YBEY: variants seen among roughly 807,000 people sequenced by gnomAD.
YBEY encodes endoribonuclease YbeY.
YBEY carries 15 observed loss-of-function variants against 13.5 expected under a neutral mutation model. That is an observed-to-expected ratio of 1.11 (90% confidence interval 0.75 to 1.72). YBEY has a LOEUF of 1.72. Among genes scored for constraint, YBEY ranks in the 40% most tolerant of loss-of-function variants. YBEY has a pLI of 0.00. For missense variants in YBEY, 244 were observed against 208.4 expected (o/e 1.17, Z -1.05); for synonymous variants, 101 against 83.1 (o/e 1.21, Z -1.17).
the YBEY span, among the ~76,000 whole-genome samples, chr21:46,310,482 C>CA: frequency 3.2e-5 from 4 of 126,744 alleles, no homozygotes; most frequent in African/African-American, 1.5e-4. Flanking sequence ...TGTCTCAGAA[C>CA]AAAAAAAATA....
intron 2 of YBEY, among the ~76,000 whole-genome samples, chr21:46,287,516 A>C (rs13046494): frequency 0.41 from 62,114 of 151,922 alleles, 13,271 homozygotes; most frequent in Admixed American, 0.48. Context: ...TTCATGTATT[A>C]ATTATATTAT....
At chr21:46,304,776 C>T in the YBEY span, among the ~76,000 whole-genome samples, 1 of 152,132 alleles carries the variant, frequency 6.6e-6, no homozygotes, top group Admixed American at 6.6e-5. Context: ...AAGGACTGTG[C>T]AGATGTAAGC....
Position 46,288,328 on chromosome 21 carries a change from A to T in YBEY, c.210+1205A>T, listed in dbSNP as rs539477101. On this transcript the variant is annotated intron_variant, in intron 2 of 4. Coordinates refer to ENST00000397701, the MANE Select transcript of YBEY (RefSeq NM_001314025.2). Reference sequence around the variant, plus strand: ...CAATCCTTTGGGAAAGCAACTTGGCATTTCAAACACATGTATCCTTTAGTC... The same window carrying T: ...CAATCCTTTGGGAAAGCAACTTGGCTTTTCAAACACATGTATCCTTTAGTC... Among the ~76,000 whole-genome samples the T allele has an allele frequency of 3.3e-5, 5 of 152,346 alleles. No individual in the cohort carries two copies. In the South Asian group the frequency reaches 1.0e-3, roughly 32 times the overall value.
In YBEY at chr21:46,297,411, G is replaced by C. The variant is rs112163820; in HGVS notation, c.409-128G>C. 0.014 allele frequency: 12,943 copies of C among 909,802 alleles called. 1,101 individuals carry two copies. The African/African-American group carries it at 0.19, about 13-fold the overall frequency. 56.4% of individuals were successfully genotyped at this position (909,802 alleles called of 1,614,324 possible). A position where few individuals can be genotyped will look rare whatever the true frequency, so the allele number is the denominator to read the frequency against. ...CGGAGCCGGGTCCCGCCTTCGGCCTGAGCTAGAGCCGCGCGGGCGGCCGGC... is the reference window on the plus strand; with the variant it reads ...CGGAGCCGGGTCCCGCCTTCGGCCTCAGCTAGAGCCGCGCGGGCGGCCGGC... On this transcript the variant is annotated intron_variant, in intron 4 of 4. Coordinates refer to ENST00000397701, the MANE Select transcript of YBEY (RefSeq NM_001314025.2).
Position 46,287,136 on chromosome 21 carries a change from TG to T in YBEY, c.210+14del. 10 of 1,552,538 alleles carry T rather than the reference TG, an allele frequency of 6.4e-6. No homozygotes were observed. Among genetic ancestry groups the T allele is most frequent in the Non-Finnish European group, 7.8e-6 (9 of 1,147,912 alleles). ...TCCATTTCATGAGGTAAAAAAAAAATGTTCCTCTTCTTGTCTAGCCCATCTT... is the reference window on the plus strand; with the variant it reads ...TCCATTTCATGAGGTAAAAAAAAAATTTCCTCTTCTTGTCTAGCCCATCTT... On this transcript the variant is annotated intron_variant, in intron 2 of 4. Transcript: ENST00000397701.
At chr21:46,297,323 G>T (rs1323665022) in intron 4 of YBEY, among the ~76,000 whole-genome samples, 1 of 113,800 alleles carries the variant, frequency 8.8e-6, no homozygotes, top group Non-Finnish European at 1.7e-5. Context: ...CCGAGGCCCC[G>T]CTTATTCTCC....
At chr21:46,312,902 T>C in the YBEY span, 1 of 697,186 alleles carries the variant, frequency 1.4e-6, no homozygotes, top group South Asian at 6.4e-5. Context: ...AGTACATATA[T>C]AGAACACGTC....
chr21:46,302,142 CAT>C (rs1256306354), downstream of YBEY: 1 of 1,497,760 alleles, frequency 6.7e-7, no homozygotes, highest in South Asian at 1.3e-5. Context: ...CTCGGGGGCA[CAT>C]GTGGCGGGTC....
At chr21:46,289,852 C>T (rs1165094647) in intron 2 of YBEY, among the ~76,000 whole-genome samples, 1 of 151,774 alleles carries the variant, frequency 6.6e-6, no homozygotes, top group Non-Finnish European at 1.5e-5. Context: ...CAAGGTTAGA[C>T]AGGCAGTTGC....
chr21:46,297,795 G>A, downstream of YBEY: 2 of 1,224,094 alleles, frequency 1.6e-6, no homozygotes, highest in South Asian at 4.2e-5. Context: ...AAACGGTTCC[G>A]AGCCGTGGCA....
intron 3 of YBEY, 77 bp downstream of exon 3, chr21:46,291,539 G>C: frequency 6.3e-7 from 1 of 1,583,336 alleles, no homozygotes; most frequent in Non-Finnish European, 8.6e-7. Flanking sequence ...TCACAACCCT[G>C]CATCCATGTG....
chr21:46,311,149 C>T, the YBEY span, among the ~76,000 whole-genome samples: 5 of 152,020 alleles, frequency 3.3e-5, no homozygotes, highest in East Asian at 1.9e-4. Context: ...GGATTACAAG[C>T]GTGAGCCACC....
intron 4 of YBEY, among the ~76,000 whole-genome samples, chr21:46,296,861 G>A (rs928620199): frequency 1.3e-5 from 2 of 152,072 alleles, no homozygotes; most frequent in Non-Finnish European, 2.9e-5. Flanking sequence ...GGGCCTGGTG[G>A]TGCATGCCTG....
In YBEY at chr21:46,297,581, C is replaced by G; in HGVS notation, c.451C>G (p.Arg151Gly). Residue 151 changes from arginine (R) to glycine (G), a missense_variant, in exon 5 of 5, where the codon CGC becomes GGC. Coordinates refer to ENST00000397701, the MANE Select transcript of YBEY (RefSeq NM_001314025.2). ...EKAVLDELGR[R>G]TGTRLQPLTR... is the part of the protein sequence containing the mutation. Reference sequence around the variant, plus strand: ...GGCGGTGCTGGACGAGCTGGGCCGACGCACGGGGACCCGGCTGCAGCCCCT... The same window carrying G: ...GGCGGTGCTGGACGAGCTGGGCCGAGGCACGGGGACCCGGCTGCAGCCCCT... 1 of 1,387,256 alleles carries G rather than the reference C, an allele frequency of 7.2e-7. No homozygotes were observed. The highest frequency in any genetic ancestry group is 9.5e-7 in the Non-Finnish European group (1 of 1,055,880). 85.9% of individuals were successfully genotyped at this position (1,387,256 alleles called of 1,614,324 possible).
chr21:46,290,601 G>C (rs547488101), intron 2 of YBEY, among the ~76,000 whole-genome samples: 28 of 152,232 alleles, frequency 1.8e-4, no homozygotes, highest in African/African-American at 6.5e-4. Context: ...TCTGGCCTGA[G>C]ACATGCATCT....
the YBEY span, among the ~76,000 whole-genome samples, chr21:46,312,472 C>T: frequency 7.9e-5 from 12 of 152,176 alleles, no homozygotes; most frequent in African/African-American, 2.4e-4. Flanking sequence ...GCGCCTGCCA[C>T]CACGCCCGGC....
At chr21:46,290,505 T>C (rs2081654328) in intron 2 of YBEY, among the ~76,000 whole-genome samples, 1 of 151,686 alleles carries the variant, frequency 6.6e-6, no homozygotes, top group Admixed American at 6.6e-5. Flanking sequence ...CGCCTGGCTA[T>C]TCTGACAATT....
At chr21:46,289,411 G>T (rs948200670) in intron 2 of YBEY, among the ~76,000 whole-genome samples, 18 of 151,068 alleles carry the variant, frequency 1.2e-4, no homozygotes, top group African/African-American at 4.1e-4. Flanking sequence ...GTGGATATTC[G>T]CATATTCAGG....
rs763022891 is a variant in YBEY, at chr21:46,287,120, T to C, written c.207T>C (p.His69=). ...CCGATGTGCTTTCTTTTCCATTTCA[T>C]GAGGTAAAAAAAAAATGTTCCTCTT... ...VPTDVLSFPF[H]EHLKAGEFPQ... Residue 69 remains histidine, a synonymous_variant, in exon 2 of 5, where the codon CAT becomes CAC. Transcript: ENST00000397701. The C allele has an allele frequency of 2.1e-6, 3 of 1,460,448 alleles. No homozygotes were observed. Among genetic ancestry groups the C allele is most frequent in the Admixed American group, 4.5e-5 (2 of 44,256 alleles). 90.5% of individuals were successfully genotyped at this position (1,460,448 alleles called of 1,614,324 possible).
Sources: allele counts gnomAD v4.1 joint callset (sites outside exome capture counted in the v4.1 genomes callset), GRCh38; gene constraint gnomAD v4.1.1; transcripts MANE v1.5; gene names NCBI Gene and HGNC (gene_info 2026-07-23, HGNC 2026-07-21).